Variants in FOCAD observed in about 807,000 individuals in gnomAD.
FOCAD encodes the protein KIAA1797.
FOCAD carries 198 observed loss-of-function variants against 225.6 expected under a neutral mutation model. That is an observed-to-expected ratio of 0.88 (90% CI 0.78 to 0.99). FOCAD has a LOEUF of 0.99. Among genes scored for constraint, FOCAD ranks in the 50% least tolerant of loss-of-function variants. The pLI is 0.00. For synonymous variants in FOCAD, 897 were observed against 755.0 expected (o/e 1.19, Z -3.08); for missense variants, 2,713 against 2,123.6 (o/e 1.28, Z -5.46).
At chr9:20,821,145 A>G in intron 14 of FOCAD, 74 bp downstream of exon 14, 3 of 1,441,770 alleles carry the variant, frequency 2.1e-6, no homozygotes, top group Non-Finnish European at 2.8e-6. Flanking sequence ...ATTGCAAGCA[A>G]GAGGCAAGAA....
chr9:20,963,446 C>T (rs192957874), intron 35 of FOCAD, among the ~76,000 whole-genome samples: 1 of 152,132 alleles, frequency 6.6e-6, no homozygotes, highest in South Asian at 2.1e-4. Flanking sequence ...GCCTGTTTCC[C>T]TAGATCCTCT....
intron 15 of FOCAD, among the ~76,000 whole-genome samples, chr9:20,831,603 A>G (rs1325141490): frequency 6.6e-6 from 1 of 152,068 alleles, no homozygotes; most frequent in African/African-American, 2.4e-5. Context: ...TCAAACCTTA[A>G]GCAGCATCCT....
At position 20,832,845 on chromosome 9, in the gene FOCAD, A is replaced by G. The variant is rs942552731; in HGVS notation, c.1920+9730A>G. ...AATATGTATTACGTTTTCTTTATCC[A>G]TTCATCAGTGGACACTTAGGTTGTT... On this transcript the variant is annotated intron_variant, in intron 15 of 43. Coordinates refer to ENST00000338382, the MANE Select transcript of FOCAD (RefSeq NM_001375567.1). Among the ~76,000 whole-genome samples the G allele has an allele frequency of 7.1e-4, 108 of 152,012 alleles. 2 individuals carry two copies. Among genetic ancestry groups the G allele is most frequent in the Admixed American group, 7.0e-3 (107 of 15,228 alleles).
intron 35 of FOCAD, among the ~76,000 whole-genome samples, chr9:20,969,334 A>G (rs903675261): frequency 4.6e-5 from 7 of 152,100 alleles, no homozygotes; most frequent in Non-Finnish European, 5.9e-5. Flanking sequence ...CTCATTAATC[A>G]TACGTCTAGA....
At chr9:20,924,994 A>G (rs1022391783) in intron 25 of FOCAD, among the ~76,000 whole-genome samples, 2 of 152,208 alleles carry the variant, frequency 1.3e-5, no homozygotes, top group African/African-American at 4.8e-5. Context: ...AGTGGGGAAG[A>G]CGGAACTCTG....
intron 28 of FOCAD, among the ~76,000 whole-genome samples, chr9:20,939,299 G>C (rs1223308843): frequency 6.6e-6 from 1 of 152,162 alleles, no homozygotes; most frequent in African/African-American, 2.4e-5. Flanking sequence ...TTGAGATTTT[G>C]AACCTAATCC....
chr9:20,824,131 G>C (rs185934548), intron 15 of FOCAD, among the ~76,000 whole-genome samples: 2 of 152,228 alleles, frequency 1.3e-5, no homozygotes, highest in Admixed American at 1.3e-4. Context: ...AAAGTTGTTA[G>C]AACTTAATGG....
chr9:20,663,671 T>C (rs1315464869), intron 2 of FOCAD, among the ~76,000 whole-genome samples: 1 of 152,180 alleles, frequency 6.6e-6, no homozygotes, highest in Non-Finnish European at 1.5e-5. Flanking sequence ...GGTACCAGAA[T>C]GCTTTTAAAA....
intron 18 of FOCAD, among the ~76,000 whole-genome samples, chr9:20,868,911 G>A (rs145729522): frequency 1.8e-3 from 270 of 152,164 alleles, no homozygotes; most frequent in Non-Finnish European, 2.8e-3. Context: ...ACCACACCAT[G>A]CATTCTTCTT....
chr9:20,937,304 C>T (rs1364580009), intron 28 of FOCAD, among the ~76,000 whole-genome samples: 2 of 150,726 alleles, frequency 1.3e-5, no homozygotes, highest in Non-Finnish European at 3.0e-5. Context: ...AAGCTGGAGG[C>T]ATCACGCTAC....
chr9:20,736,748 A>G (rs753074277), intron 4 of FOCAD, among the ~76,000 whole-genome samples: 11 of 152,136 alleles, frequency 7.2e-5, no homozygotes, highest in South Asian at 2.1e-4. Flanking sequence ...TTTTAAAACA[A>G]CGTAAGAGAT....
At chr9:20,658,426 T>C (rs147788988) in exon 1 of FOCAD, 3,565 of 163,256 alleles carry the variant, frequency 0.022, 116 homozygotes, top group African/African-American at 0.074. Context: ...TAGCAATCAG[T>C]GAGACTCCGT....
chr9:20,792,519 T>C (rs1820639933), intron 11 of FOCAD, among the ~76,000 whole-genome samples: 1 of 152,232 alleles, frequency 6.6e-6, no homozygotes. Context: ...TCAGTGCCTC[T>C]TTCAAATTCT....
At chr9:20,721,533 C>A (rs557153035) in intron 4 of FOCAD, among the ~76,000 whole-genome samples, 8 of 152,132 alleles carry the variant, frequency 5.3e-5, no homozygotes, top group Non-Finnish European at 1.2e-4. Flanking sequence ...GAGACTGTGT[C>A]TCTACTAAAA....
At chr9:20,759,688 CTTT>C (rs1829394553) in intron 6 of FOCAD, among the ~76,000 whole-genome samples, 1 of 152,044 alleles carries the variant, frequency 6.6e-6, no homozygotes, top group Non-Finnish European at 1.5e-5. Context: ...TTTCTATTTT[CTTT>C]TAAAGAGTAA....
chr9:20,879,648 T>A (rs902177098), intron 19 of FOCAD, among the ~76,000 whole-genome samples: 1 of 152,232 alleles, frequency 6.6e-6, no homozygotes, highest in Admixed American at 6.5e-5. Context: ...AGCTTCTTTT[T>A]AAATTCCCAT....
chr9:20,685,299 G>A (rs557856492), intron 1 of FOCAD, among the ~76,000 whole-genome samples: 2 of 151,840 alleles, frequency 1.3e-5, no homozygotes, highest in Non-Finnish European at 2.9e-5. Context: ...CCAGGTTTCA[G>A]TGGCCTATCT....
At chr9:20,841,144 C>T (rs927984264) in intron 15 of FOCAD, among the ~76,000 whole-genome samples, 3 of 151,870 alleles carry the variant, frequency 2.0e-5, no homozygotes, top group Non-Finnish European at 4.4e-5. Context: ...AGGATTTTTG[C>T]ATCAGTGTTC....
intron 11 of FOCAD, among the ~76,000 whole-genome samples, chr9:20,819,092 C>G (rs1824040374): frequency 6.6e-6 from 1 of 152,138 alleles, no homozygotes; most frequent in Non-Finnish European, 1.5e-5. Flanking sequence ...TTATAGTACA[C>G]TGACTTCAGT....
Sources: allele counts gnomAD v4.1 joint callset (sites outside exome capture counted in the v4.1 genomes callset), GRCh38; gene constraint gnomAD v4.1.1; transcripts MANE v1.5; gene names NCBI Gene and HGNC (gene_info 2026-07-23, HGNC 2026-07-21).